Variants in CNGB3 observed in about 807,000 individuals in gnomAD.
CNGB3 encodes the protein cyclic nucleotide-gated channel beta-3.
Under a neutral mutation model 92.8 loss-of-function variants are expected in CNGB3, and 86 were observed. The ratio of observed to expected loss-of-function variants is 0.93; its 90% CI spans 0.78 to 1.11. The LOEUF is 1.11. Among genes scored for constraint, CNGB3 ranks in the 50% least tolerant of loss-of-function variants. The pLI, the probability that CNGB3 is intolerant of heterozygous loss-of-function variation, is 0.00. For missense variants in CNGB3, 1,026 were observed against 956.8 expected (o/e 1.07, Z -0.95); for synonymous variants, 333 against 332.7 (o/e 1.00, Z -0.01).
At chr8:86,638,937 CT>C (rs1171291980) in intron 10 of CNGB3, among the ~76,000 whole-genome samples, 9 of 151,846 alleles carry the variant, frequency 5.9e-5, no homozygotes, top group African/African-American at 2.2e-4. Flanking sequence ...CCTTTCCCCC[CT>C]CCTCCCTTTC....
chr8:86,664,062 C>T (rs1823695561), intron 6 of CNGB3, among the ~76,000 whole-genome samples: 1 of 152,162 alleles, frequency 6.6e-6, no homozygotes, highest in Non-Finnish European at 1.5e-5. Flanking sequence ...CTTATTTGTA[C>T]ACCGTCATCA....
At chr8:86,668,845 CA>C (rs912916940) in intron 4 of CNGB3, among the ~76,000 whole-genome samples, 4 of 151,938 alleles carry the variant, frequency 2.6e-5, no homozygotes, top group Non-Finnish European at 5.9e-5. Context: ...GATGGTGATG[CA>C]ACAAGACTAT....
chr8:86,740,797 A>G (rs181719916), intron 1 of CNGB3, among the ~76,000 whole-genome samples: 9 of 152,280 alleles, frequency 5.9e-5, no homozygotes, highest in East Asian at 1.9e-4. Flanking sequence ...ATATTATTAT[A>G]TTATTGAATA....
intron 8 of CNGB3, among the ~76,000 whole-genome samples, chr8:86,646,933 A>C (rs940698681): frequency 1.9e-4 from 28 of 150,674 alleles, no homozygotes; most frequent in Non-Finnish European, 3.4e-4. Context: ...CAACAGTCTC[A>C]CTCTTACTCT....
chr8:86,642,245 A>C (rs1208115862), intron 10 of CNGB3, among the ~76,000 whole-genome samples: 1 of 151,778 alleles, frequency 6.6e-6, no homozygotes, highest in Admixed American at 6.6e-5. Flanking sequence ...AACAGCTATC[A>C]GCCACAGTCA....
At chr8:86,697,438 A>G (rs1369735031) in intron 3 of CNGB3, among the ~76,000 whole-genome samples, 1 of 152,176 alleles carries the variant, frequency 6.6e-6, no homozygotes, top group Admixed American at 6.5e-5. Context: ...CAGAGTCTGT[A>G]GTTATGTCAT....
intron 14 of CNGB3, among the ~76,000 whole-genome samples, chr8:86,610,479 AT>A (rs1359873066): frequency 6.6e-6 from 1 of 151,682 alleles, no homozygotes; most frequent in Non-Finnish European, 1.5e-5. Context: ...ACTCCAATTC[AT>A]TTTTCAAGAC....
intron 2 of CNGB3, among the ~76,000 whole-genome samples, chr8:86,728,453 A>G (rs1486318446): frequency 6.6e-6 from 1 of 152,154 alleles, no homozygotes; most frequent in African/African-American, 2.4e-5. Context: ...GTCAAGTCAT[A>G]TTTTTCCATT....
chr8:86,680,683 A>C (rs528889030), intron 3 of CNGB3, among the ~76,000 whole-genome samples: 1 of 152,172 alleles, frequency 6.6e-6, no homozygotes, highest in African/African-American at 2.4e-5. Context: ...ATGCCCAGAC[A>C]GTGAGTTGGT....
At chr8:86,592,985 A>G (rs1393878897) in intron 15 of CNGB3, among the ~76,000 whole-genome samples, 1 of 152,250 alleles carries the variant, frequency 6.6e-6, no homozygotes, top group Non-Finnish European at 1.5e-5. Flanking sequence ...GGATGTTCTA[A>G]GGCCACCTCT....
intron 3 of CNGB3, chr8:86,704,038 G>A (rs1349950180): frequency 2.0e-5 from 3 of 152,130 alleles, no homozygotes; most frequent in Non-Finnish European, 4.4e-5. Context: ...GCTGAAAATT[G>A]CATATGACTT....
chr8:86,644,121 T>C (rs1345398081), intron 9 of CNGB3, among the ~76,000 whole-genome samples: 1 of 151,182 alleles, frequency 6.6e-6, no homozygotes, highest in Non-Finnish European at 1.5e-5. Flanking sequence ...TTCACAGATG[T>C]TGTGAGTCAA....
intron 15 of CNGB3, among the ~76,000 whole-genome samples, chr8:86,597,518 G>A (rs2131553074): frequency 6.6e-6 from 1 of 152,312 alleles, no homozygotes; most frequent in African/African-American, 2.4e-5. Flanking sequence ...GGAGACCTCG[G>A]AGGTCCCTAT....
chr8:86,616,569 G>T (rs778049453), intron 13 of CNGB3, among the ~76,000 whole-genome samples: 117 of 151,986 alleles, frequency 7.7e-4, no homozygotes, highest in Non-Finnish European at 1.3e-3. Context: ...GCTCCATTTT[G>T]TTTACAGTTA....
intron 10 of CNGB3, among the ~76,000 whole-genome samples, chr8:86,634,830 A>G (rs1439205520): frequency 1.3e-5 from 2 of 151,882 alleles, no homozygotes; most frequent in African/African-American, 2.4e-5. Context: ...AGATTTTAAG[A>G]TCTTCAAATA....
chr8:86,737,326 T>C lies in CNGB3; in HGVS notation c.211+2329A>G, dbSNP rs879387531. 4.6e-5 allele frequency among the ~76,000 whole-genome samples: 7 copies of C among 152,172 alleles called. 1 individual carries two copies. Among genetic ancestry groups the C allele is most frequent in the Admixed American group, 4.6e-4 (7 of 15,278 alleles). On this transcript the variant is annotated intron_variant, in intron 2 of 17. Transcript: ENST00000320005. The stretch of plus-strand genomic sequence containing the variant: ...AATTCAGGAAAAAAATCAACATCTT[T>C]ATAATATTATCCTCCCAAGTGGACA...
intron 3 of CNGB3, among the ~76,000 whole-genome samples, chr8:86,704,658 A>C (rs996407428): frequency 6.6e-6 from 1 of 152,206 alleles, no homozygotes; most frequent in African/African-American, 2.4e-5. Context: ...GACAATGTCA[A>C]GGGCACTGTA....
intron 10 of CNGB3, among the ~76,000 whole-genome samples, chr8:86,636,152 G>A (rs1037095592): frequency 2.6e-4 from 40 of 151,618 alleles, no homozygotes; most frequent in Non-Finnish European, 4.4e-4. Flanking sequence ...CTTATTTTTT[G>A]GATGTATTTC....
At chr8:86,603,469 C>T (rs188468933) in intron 15 of CNGB3, among the ~76,000 whole-genome samples, 2 of 152,230 alleles carry the variant, frequency 1.3e-5, no homozygotes, top group Non-Finnish European at 2.9e-5. Context: ...CTAGGATAAA[C>T]TTTTCCTGGC....
Sources: gnomAD v4.1 joint callset for allele counts (sites outside exome capture counted in the v4.1 genomes callset) on GRCh38, gnomAD v4.1.1 for gene constraint, MANE v1.5 for transcripts, NCBI Gene and HGNC (gene_info 2026-07-23, HGNC 2026-07-21) for gene names.